The following SPOP variants were observed in gnomAD, a reference collection of about 807,000 sequenced individuals.
SPOP encodes speckle type BTB/POZ protein, also known as speckle-type POZ protein.
In SPOP, 11 loss-of-function variants were observed where a neutral mutation model predicts 45.6. That is an observed-to-expected ratio of 0.24 (90% CI 0.15 to 0.40). The LOEUF is 0.40. Ranked by LOEUF, SPOP falls within the 10% of genes least tolerant of loss-of-function variation. The probability of loss-of-function intolerance (pLI) is 1.00; values close to 1 mark genes in which losing one functional copy is unlikely to be tolerated. For synonymous variants in SPOP, 166 were observed against 166.3 expected (o/e 1.00, Z 0.01); for missense variants, 152 against 465.6 (o/e 0.33, Z 6.20).
chr17:49,660,545 C>CT (rs1489320054), intron 1 of SPOP, among the ~76,000 whole-genome samples: 3 of 152,084 alleles, frequency 2.0e-5, no homozygotes, highest in African/African-American at 7.2e-5. Context: ...GGATTTTTGT[C>CT]TGTTTTTGTC....
At chr17:49,601,143 A>G (rs748934370) in intron 9 of SPOP, 2 of 152,916 alleles carry the variant, frequency 1.3e-5, no homozygotes, top group African/African-American at 2.4e-5. Flanking sequence ...GGAATTTTCT[A>G]TGTTGAATAT....
rs1193811384 is a variant in SPOP at position 49,619,473 on chromosome 17, A to C, written c.201-88T>G. ...AGACTCAAGAGAGGGAGATGTTTAA[A>C]AAACAAATGCAGGCCCCATAGAAGA... On this transcript the variant is annotated intron_variant, in intron 3 of 9. Coordinates refer to ENST00000504102, the MANE Select transcript of SPOP (RefSeq NM_001007228.2). This position sits in a 1 kb window ranked among gnomAD's most constrained non-coding sequence, Gnocchi z 4.9. 7.2e-7 allele frequency: 1 copy of C among 1,393,470 alleles called. No homozygotes were observed. Among genetic ancestry groups the C allele is most frequent in the Non-Finnish European group, 9.6e-7 (1 of 1,036,870 alleles). 86.3% of individuals were successfully genotyped at this position (1,393,470 alleles called of 1,614,324 possible).
chr17:49,649,037 G>A (rs1434474991), intron 1 of SPOP, among the ~76,000 whole-genome samples: 2 of 152,062 alleles, frequency 1.3e-5, no homozygotes, highest in Admixed American at 6.6e-5. Flanking sequence ...GATTACAGGC[G>A]TGAGCCACCG....
At chr17:49,631,142 C>T (rs1045723838) in intron 1 of SPOP, among the ~76,000 whole-genome samples, 4 of 152,150 alleles carry the variant, frequency 2.6e-5, no homozygotes, top group Non-Finnish European at 5.9e-5. Context: ...TGTATCCCTA[C>T]TGATATGTTT....
At chr17:49,609,906 T>C (rs1354032518) in intron 6 of SPOP, among the ~76,000 whole-genome samples, 3 of 150,560 alleles carry the variant, frequency 2.0e-5, no homozygotes, top group African/African-American at 7.4e-5. Context: ...GAAGGCAAGA[T>C]GGGATATAAA....
Position 49,599,679 on chromosome 17 carries a change from T to C in SPOP, c.*699A>G, listed in dbSNP as rs553459320. ...TTCCAGTTTTCAACACCAATAAAGA[T>C]TTTTGCAAAAGCCACCACATCAGAA... On this transcript the variant is annotated 3_prime_UTR_variant, in exon 10 of 10. Coordinates refer to ENST00000504102, the MANE Select transcript of SPOP (RefSeq NM_001007228.2). 9 of 208,970 alleles carry C rather than the reference T, an allele frequency of 4.3e-5. No homozygotes were observed. Among genetic ancestry groups the C allele is most frequent in the South Asian group, 3.8e-4 (2 of 5,326 alleles). 12.9% of individuals were successfully genotyped at this position (208,970 alleles called of 1,614,324 possible).
At chr17:49,601,418 C>T (rs1196351006) in intron 9 of SPOP, 1 of 153,212 alleles carries the variant, frequency 6.5e-6, no homozygotes, top group African/African-American at 2.4e-5. Context: ...AGGAACAGAC[C>T]TAGTGGAATG....
At position 49,607,239 on chromosome 17, in the gene SPOP, T is replaced by C. The variant is rs1567770566; in HGVS notation, c.837+11A>G. 4 of 1,614,054 alleles carry C rather than the reference T, an allele frequency of 2.5e-6. No individual in the cohort carries two copies. Among genetic ancestry groups the C allele is most frequent in the Non-Finnish European group, 3.4e-6 (4 of 1,179,982 alleles). On this transcript the variant is annotated intron_variant, in intron 8 of 9. Transcript: ENST00000504102. ...CTCCTAGTCCTGATTATTTTTCTATTCTTATCTTACCTTGTCAGCAGCTGC... is the reference window on the plus strand; with the variant it reads ...CTCCTAGTCCTGATTATTTTTCTATCCTTATCTTACCTTGTCAGCAGCTGC...
chr17:49,630,871 G>A (rs989532515), intron 1 of SPOP, among the ~76,000 whole-genome samples: 7 of 152,198 alleles, frequency 4.6e-5, no homozygotes, highest in Admixed American at 1.3e-4. Flanking sequence ...AACAACCAAC[G>A]GTGTACAGAA....
intron 1 of SPOP, among the ~76,000 whole-genome samples, chr17:49,624,329 GCGCACACACA>G (rs748875984): frequency 8.1e-5 from 7 of 85,906 alleles, no homozygotes; most frequent in Admixed American, 3.9e-4. Context: ...ACGCGCGCGC[GCGCACACACA>G]CACACACACA....
chr17:49,603,972 A>C (rs1025963419), intron 8 of SPOP, among the ~76,000 whole-genome samples: 1 of 152,228 alleles, frequency 6.6e-6, no homozygotes, highest in African/African-American at 2.4e-5. Flanking sequence ...AATGAAAACT[A>C]AGGGACATGG....
intron 1 of SPOP, chr17:49,676,129 T>C (rs191774036): frequency 6.6e-6 from 1 of 152,256 alleles, no homozygotes; most frequent in East Asian, 1.9e-4. Flanking sequence ...CTAAGTAATA[T>C]CTAAGTATGG....
In SPOP at chr17:49,660,455, C is replaced by A. The variant is rs866940952; in HGVS notation, c.-67+17478G>T. On this transcript the variant is annotated intron_variant, in intron 1 of 9. Coordinates refer to ENST00000504102, the MANE Select transcript of SPOP (RefSeq NM_001007228.2). ...CCCTTTTTCGGGTCGTATTTTTCTC[C>A]TTGAAACTTATCACTTTCCAATAAA... 4.6e-5 allele frequency among the ~76,000 whole-genome samples: 7 copies of A among 152,292 alleles called. 1 individual carries two copies. Among genetic ancestry groups the A allele is most frequent in the African/African-American group, 1.2e-4 (5 of 41,562 alleles).
chr17:49,635,215 G>A (rs907669192), intron 1 of SPOP, among the ~76,000 whole-genome samples: 1 of 152,084 alleles, frequency 6.6e-6, no homozygotes, highest in Non-Finnish European at 1.5e-5. Flanking sequence ...AAACGAAATG[G>A]AACAAAGGAT....
chr17:49,671,889 G>C (rs371802514), intron 1 of SPOP, among the ~76,000 whole-genome samples: 13 of 152,038 alleles, frequency 8.6e-5, no homozygotes, highest in African/African-American at 2.9e-4. Flanking sequence ...GCCTGTAATC[G>C]CAGCACTTTG....
chr17:49,646,936 T>C (rs993323946), intron 1 of SPOP, among the ~76,000 whole-genome samples: 11 of 152,132 alleles, frequency 7.2e-5, no homozygotes, highest in African/African-American at 2.7e-4. Context: ...CTGAGAAAGA[T>C]ACTTATATTC....
intron 6 of SPOP, among the ~76,000 whole-genome samples, chr17:49,610,204 T>C (rs183320501): frequency 7.2e-5 from 11 of 152,246 alleles, no homozygotes; most frequent in Non-Finnish European, 1.5e-4. Flanking sequence ...CAAAGAGTTA[T>C]AGACTTCCTT....
chr17:49,625,337 G>A (rs927593576), intron 1 of SPOP, among the ~76,000 whole-genome samples: 2 of 152,168 alleles, frequency 1.3e-5, no homozygotes, highest in East Asian at 1.9e-4. Flanking sequence ...GGCTGGACAC[G>A]GTGGCTCACG....
chr17:49,674,676 TAA>T (rs1343155851), intron 1 of SPOP, among the ~76,000 whole-genome samples: 1 of 152,228 alleles, frequency 6.6e-6, no homozygotes, highest in Non-Finnish European at 1.5e-5. Flanking sequence ...TTTACTTGGA[TAA>T]ACAATTTAAA....
Sources: gnomAD v4.1 joint callset for allele counts (sites outside exome capture counted in the v4.1 genomes callset) on GRCh38, gnomAD v4.1.1 for gene constraint, Gnocchi (gnomAD v3.1) non-coding constraint, MANE v1.5 for transcripts, NCBI Gene and HGNC (gene_info 2026-07-23, HGNC 2026-07-21) for gene names.